The following ZBTB38 variants were observed in gnomAD, a reference collection of about 807,000 sequenced individuals.
ZBTB38 encodes the protein zinc finger and BTB domain containing 38.
A neutral mutation model predicts 76.8 loss-of-function variants in ZBTB38; 20 were observed. That is an observed-to-expected ratio of 0.26 (90% CI 0.18 to 0.38). The LOEUF (loss-of-function observed/expected upper bound fraction) is 0.38, where lower values mean the gene tolerates loss of function less well. Among genes scored for constraint, ZBTB38 ranks in the 10% least tolerant of loss-of-function variants. The pLI, the probability that ZBTB38 is intolerant of heterozygous loss-of-function variation, is 1.00. For synonymous variants in ZBTB38, 504 were observed against 544.2 expected (o/e 0.93, Z 1.03); for missense variants, 1,082 against 1,482.3 (o/e 0.73, Z 4.43).
At chr3:141,370,226 G>A (rs1384628515) in intron 2 of ZBTB38, among the ~76,000 whole-genome samples, 1 of 152,248 alleles carries the variant, frequency 6.6e-6, no homozygotes, top group African/African-American at 2.4e-5. Flanking sequence ...CAGGTAGAGA[G>A]GGGCTTTGCC....
At chr3:141,334,339 C>T (rs1008562566) in intron 1 of ZBTB38, among the ~76,000 whole-genome samples, 2 of 152,046 alleles carry the variant, frequency 1.3e-5, no homozygotes, top group African/African-American at 4.8e-5. Flanking sequence ...ATGCTTTCAA[C>T]ATTAAATCGC....
intron 1 of ZBTB38, among the ~76,000 whole-genome samples, 164 bp downstream of exon 1, chr3:141,368,968 C>A (rs1440779528): frequency 6.8e-6 from 1 of 146,010 alleles, no homozygotes; most frequent in Admixed American, 6.9e-5. Flanking sequence ...GATCTGATAT[C>A]TCTCTCCACA....
intron 5 of ZBTB38, among the ~76,000 whole-genome samples, chr3:141,426,981 C>A: frequency 6.6e-6 from 1 of 150,646 alleles, no homozygotes; most frequent in East Asian, 1.9e-4. Flanking sequence ...GGGGTGGGTT[C>A]TTTTTCCTTT....
At chr3:141,402,667 CCGGGGCCCGCGCCCGGAG>C (rs1303142971) in intron 4 of ZBTB38, among the ~76,000 whole-genome samples, 1 of 151,022 alleles carries the variant, frequency 6.6e-6, no homozygotes, top group Non-Finnish European at 1.5e-5. Context: ...TGCCCGGACT[CCGGGGCCCGCGCCCGGAG>C]CGGGGCGGGG....
At chr3:141,394,585 GC>G (rs1209539167) in intron 4 of ZBTB38, 1 of 152,220 alleles carries the variant, frequency 6.6e-6, no homozygotes, top group African/African-American at 2.4e-5. Flanking sequence ...AAGTCAGGTT[GC>G]CCACTGCAGG....
At chr3:141,329,511 C>T (rs925057778) in intron 1 of ZBTB38, among the ~76,000 whole-genome samples, 1 of 152,146 alleles carries the variant, frequency 6.6e-6, no homozygotes, top group African/African-American at 2.4e-5. Context: ...ATACATGCTA[C>T]TTGTTTGTTT....
chr3:141,359,033 G>A (rs1044404194), intron 1 of ZBTB38, among the ~76,000 whole-genome samples: 3 of 152,144 alleles, frequency 2.0e-5, no homozygotes, highest in African/African-American at 7.2e-5. Context: ...GGAAGATTTT[G>A]GCTGCAAGTA....
chr3:141,442,945 G>C lies in ZBTB38; in HGVS notation c.557G>C (p.Arg186Thr). ...AACATGTTTTCCCCGCTGGACTTGA[G>C]GGCAAGTTTCAAAAAGGTCTCCGAC... ...SNNMFSPLDL[R>T]ASFKKVSDSM... The change falls in exon 6 of 6, where the codon AGG becomes ACG. Residue 186 changes from arginine (R) to threonine (T), a missense_variant. By Grantham distance (71) the Arg-to-Thr change is moderately conservative (BLOSUM62 -1). This residue lies in a region of ZBTB38 where 324 missense variants were observed against 359.1 expected (regional missense o/e 0.90). Coordinates refer to ENST00000321464, the MANE Select transcript of ZBTB38 (RefSeq NM_001376113.1). This position sits in a 1 kb window ranked among gnomAD's most constrained non-coding sequence, Gnocchi z 6.4. The C allele has an allele frequency of 3.1e-6, 5 of 1,614,212 alleles. No individual in the cohort carries two copies. The highest frequency in any genetic ancestry group is 4.2e-6 in the Non-Finnish European group (5 of 1,180,050).
rs538302867 is a variant in ZBTB38 at position 141,368,682 on chromosome 3, A to G, written c.-432A>G. The G allele has an allele frequency of 6.6e-6, 1 of 152,290 alleles. No individual in the cohort carries two copies. Among genetic ancestry groups the G allele is most frequent in the Admixed American group, 6.5e-5 (1 of 15,294 alleles). The allele number at this position is 152,290 out of a possible 1,614,324, so 9.4% of individuals were successfully genotyped here. ...AATGTAGGAAGTCAGAATGGGTGAC[A>G]TCATCAGAAAAATATGTGGAGCTGA... On this transcript the variant is annotated 5_prime_UTR_variant, in exon 1 of 6. Coordinates refer to ENST00000321464, the MANE Select transcript of ZBTB38 (RefSeq NM_001376113.1).
intron 5 of ZBTB38, among the ~76,000 whole-genome samples, chr3:141,426,688 C>T (rs950095357): frequency 2.0e-5 from 3 of 152,192 alleles, no homozygotes; most frequent in African/African-American, 7.2e-5. Flanking sequence ...ACCTTTACAA[C>T]TTTTTTAGTA....
chr3:141,422,964 A>C (rs1284893732), intron 5 of ZBTB38, among the ~76,000 whole-genome samples: 1 of 152,152 alleles, frequency 6.6e-6, no homozygotes, highest in Non-Finnish European at 1.5e-5. Context: ...CCAAAGTCTT[A>C]ATATATGAAC....
At chr3:141,355,964 C>A (rs1943648870) in intron 1 of ZBTB38, among the ~76,000 whole-genome samples, 1 of 152,116 alleles carries the variant, frequency 6.6e-6, no homozygotes, top group Non-Finnish European at 1.5e-5. Context: ...AAGAAATTCC[C>A]TTATCATGCT....
intron 1 of ZBTB38, among the ~76,000 whole-genome samples, chr3:141,340,264 T>C (rs1011721770): frequency 2.6e-5 from 4 of 152,218 alleles, no homozygotes; most frequent in African/African-American, 9.6e-5. Context: ...AAAGCGTTCA[T>C]ATTCTTCCTT....
chr3:141,382,710 CTT>C (rs1261532015), intron 3 of ZBTB38, among the ~76,000 whole-genome samples: 1 of 152,190 alleles, frequency 6.6e-6, no homozygotes. Context: ...TTCATTGTGT[CTT>C]TTCCACCTGC....
chr3:141,363,179 A>G (rs558085977), intron 1 of ZBTB38, among the ~76,000 whole-genome samples: 2 of 152,354 alleles, frequency 1.3e-5, no homozygotes, highest in African/African-American at 4.8e-5. Context: ...ATACTCGAGA[A>G]TAAATTTAAC....
At position 141,384,682 on chromosome 3, in the gene ZBTB38, C is replaced by CACTCCAT. The variant is rs1946682659; in HGVS notation, c.-171-2189_-171-2183dup. 2.0e-5 allele frequency: 3 copies of CACTCCAT among 152,220 alleles called. No individual in the cohort carries two copies. The South Asian group carries it at 6.2e-4, about 32-fold the overall frequency. 9.4% of individuals were successfully genotyped at this position (152,220 alleles called of 1,614,324 possible). A position where few individuals can be genotyped will look rare whatever the true frequency, so the allele number is the denominator to read the frequency against. On this transcript the variant is annotated intron_variant, in intron 3 of 5. Transcript: ENST00000321464. ...GGTAAAGGAGGAATTGGCCTAAGGA[C>CACTCCAT]ACTCCATTCTAATTTTCTGACGCTG...
chr3:141,368,122 CAGA>C (rs1019250934), upstream of ZBTB38, among the ~76,000 whole-genome samples: 9 of 152,214 alleles, frequency 5.9e-5, no homozygotes, highest in African/African-American at 1.7e-4. Flanking sequence ...GGGCACCACA[CAGA>C]AGAAGGGGGA....
rs2081283246 is a variant in ZBTB38, at chr3:141,448,733, T to C, written c.*2757T>C. 6.6e-6 allele frequency: 1 copy of C among 152,238 alleles called. No individual in the cohort carries two copies. Among genetic ancestry groups the C allele is most frequent in the African/African-American group, 2.4e-5 (1 of 41,460 alleles). The allele number at this position is 152,238 out of a possible 1,614,324, so 9.4% of individuals were successfully genotyped here. ...TCTCTTTTTAAATGTTTTCATGTTA[T>C]TTCTTTTGTGCAGCTATTTCATCTG... is the stretch of plus-strand genomic sequence containing the variant. On this transcript the variant is annotated 3_prime_UTR_variant, in exon 6 of 6. Coordinates refer to ENST00000321464, the MANE Select transcript of ZBTB38 (RefSeq NM_001376113.1).
rs571737642 is a variant in ZBTB38, at chr3:141,337,903, C to T, written c.-739+13447C>T. ...AAGTGACACAAACCCAGGGCTTACT[C>T]TCAGATAATAATTATCACTAATTTA... On this transcript the variant is annotated intron_variant, in intron 1 of 7. Transcript: ENST00000509842. Among the ~76,000 whole-genome samples the T allele has an allele frequency of 1.6e-4, 24 of 152,242 alleles. No homozygotes were observed. The South Asian group carries it at 4.8e-3, about 30-fold the overall frequency.
Sources: allele counts gnomAD v4.1 joint callset (sites outside exome capture counted in the v4.1 genomes callset), GRCh38; gene constraint gnomAD v4.1.1; regional missense constraint gnomAD v4.1.1; non-coding constraint Gnocchi (gnomAD v3.1); transcripts MANE v1.5; gene names NCBI Gene and HGNC (gene_info 2026-07-23, HGNC 2026-07-21).